The following GRIN2A variants were observed in gnomAD, a reference collection of about 807,000 sequenced individuals.
GRIN2A encodes glutamate receptor ionotropic, NMDA 2A.
GRIN2A carries 22 observed loss-of-function variants against 113.4 expected under a neutral mutation model. That is an observed-to-expected ratio of 0.19 (90% CI 0.14 to 0.28). The LOEUF is 0.28. Ranked by LOEUF, GRIN2A falls within the 10% of genes least tolerant of loss-of-function variation. The pLI is 1.00. For synonymous variants in GRIN2A, 827 were observed against 738.4 expected (o/e 1.12, Z -1.94); for missense variants, 1,502 against 1,887.0 (o/e 0.80, Z 3.78).
At chr16:9,799,419 C>T (rs554633284) in intron 10 of GRIN2A, among the ~76,000 whole-genome samples, 4 of 152,296 alleles carry the variant, frequency 2.6e-5, no homozygotes, top group East Asian at 3.9e-4. Context: ...TCGGTGGAAG[C>T]GTGGTCCTGC....
At chr16:9,910,866 C>CT (rs2044121297) in intron 3 of GRIN2A, among the ~76,000 whole-genome samples, 1 of 151,960 alleles carries the variant, frequency 6.6e-6, no homozygotes, top group African/African-American at 2.4e-5. Context: ...AATCTTCTGC[C>CT]CCTGAATCAT....
Position 9,829,408 on chromosome 16 carries a change from G to T in GRIN2A, c.2007+15C>A. ...GACCAACCCTCAGATGGAGAGGAAA[G>T]CAAGGTGACCTTACCTTTTTGTCAC... On this transcript the variant is annotated intron_variant, in intron 9 of 12. Coordinates refer to ENST00000330684, the MANE Select transcript of GRIN2A (RefSeq NM_001134407.3). 6.4e-7 allele frequency: 1 copy of T among 1,563,556 alleles called. No homozygotes were observed. Among genetic ancestry groups the T allele is most frequent in the Non-Finnish European group, 8.8e-7 (1 of 1,134,528 alleles).
chr16:9,835,268 A>G (rs531388676), intron 7 of GRIN2A, among the ~76,000 whole-genome samples: 55 of 152,362 alleles, frequency 3.6e-4, no homozygotes, highest in Non-Finnish European at 6.3e-4. Flanking sequence ...TAGAGGCAAT[A>G]AAATAGTAGA....
intron 2 of GRIN2A, among the ~76,000 whole-genome samples, chr16:10,166,857 C>A (rs1157474318): frequency 6.6e-6 from 1 of 152,176 alleles, no homozygotes; most frequent in Non-Finnish European, 1.5e-5. Context: ...AGGATGAAGA[C>A]CTTTATGATG....
At chr16:9,768,788 A>G in intron 12 of GRIN2A, 63 bp downstream of exon 12, 1 of 1,092,164 alleles carries the variant, frequency 9.2e-7, no homozygotes, top group South Asian at 1.2e-5. Flanking sequence ...TGAGACATCA[A>G]GAACCCAAGC....
intron 3 of GRIN2A, among the ~76,000 whole-genome samples, chr16:9,904,053 A>G (rs1286635977): frequency 6.6e-6 from 1 of 152,216 alleles, no homozygotes; most frequent in African/African-American, 2.4e-5. Flanking sequence ...GTTCAGTTTT[A>G]AATCCACAAC....
At chr16:10,059,803 T>C (rs1423955472) in intron 2 of GRIN2A, among the ~76,000 whole-genome samples, 1 of 151,640 alleles carries the variant, frequency 6.6e-6, no homozygotes, top group African/African-American at 2.4e-5. Flanking sequence ...GGGCATTATG[T>C]GTTTATACAA....
chr16:9,831,192 A>C (rs1347460629), intron 8 of GRIN2A, among the ~76,000 whole-genome samples: 3 of 152,208 alleles, frequency 2.0e-5, no homozygotes, highest in Admixed American at 2.0e-4. Flanking sequence ...GAGTTTGCAC[A>C]ACTGATGCCA....
chr16:9,933,556 T>C (rs2044646666), intron 3 of GRIN2A, among the ~76,000 whole-genome samples: 1 of 152,204 alleles, frequency 6.6e-6, no homozygotes, highest in South Asian at 2.1e-4. Context: ...GCTATTTGTT[T>C]ATCAGATGCT....
chr16:9,772,675 C>G (rs990132153), intron 11 of GRIN2A, among the ~76,000 whole-genome samples: 2 of 152,114 alleles, frequency 1.3e-5, no homozygotes, highest in Admixed American at 6.5e-5. Flanking sequence ...CGTGCTCAGA[C>G]CCTTTGGAGT....
At chr16:9,805,927 A>G (rs902969885) in intron 10 of GRIN2A, among the ~76,000 whole-genome samples, 8 of 152,236 alleles carry the variant, frequency 5.3e-5, no homozygotes, top group Non-Finnish European at 8.8e-5. Flanking sequence ...ACTACCTGCC[A>G]TCAGCACAGA....
chr16:9,926,297 T>C (rs149258662), intron 3 of GRIN2A, among the ~76,000 whole-genome samples: 330 of 152,312 alleles, frequency 2.2e-3, no homozygotes, highest in Middle Eastern at 6.8e-3. Context: ...AGCTGTAATT[T>C]TGAAAGCCAA....
intron 2 of GRIN2A, among the ~76,000 whole-genome samples, chr16:9,966,070 C>T (rs902408623): frequency 2.6e-5 from 4 of 152,168 alleles, no homozygotes; most frequent in Non-Finnish European, 5.9e-5. Context: ...AATCCTTGCA[C>T]TTATAGAGAA....
intron 2 of GRIN2A, among the ~76,000 whole-genome samples, chr16:10,164,623 A>G (rs1431315026): frequency 6.6e-6 from 1 of 152,226 alleles, no homozygotes; most frequent in Non-Finnish European, 1.5e-5. Context: ...TGGGTGAGCA[A>G]TGCCTGGTGA....
chr16:10,098,688 TAAGTA>T (rs1351948318), intron 2 of GRIN2A, among the ~76,000 whole-genome samples: 2 of 152,192 alleles, frequency 1.3e-5, no homozygotes, highest in Non-Finnish European at 2.9e-5. Flanking sequence ...ACTATTATTC[TAAGTA>T]AAGTAACTCA....
At chr16:9,970,764 T>C in intron 2 of GRIN2A, 1 of 965,724 alleles carries the variant, frequency 1.0e-6, no homozygotes, top group Non-Finnish European at 1.2e-6. Flanking sequence ...TACAGGCTGG[T>C]AAACTCTCAA....
At chr16:10,044,022 T>TATATAGAGAGAG (rs531659457) in intron 2 of GRIN2A, among the ~76,000 whole-genome samples, 85 of 107,960 alleles carry the variant, frequency 7.9e-4, no homozygotes, top group Middle Eastern at 8.7e-3. Flanking sequence ...TATATATATA[T>TATATAGAGAGAG]AGAGAGAGAG....
chr16:9,808,557 G>C (rs2042026288), intron 10 of GRIN2A, among the ~76,000 whole-genome samples: 1 of 152,088 alleles, frequency 6.6e-6, no homozygotes, highest in African/African-American at 2.4e-5. Flanking sequence ...AAGTCAACTT[G>C]GTTATTTCTC....
At chr16:9,837,509 G>A (rs1373453353) in intron 7 of GRIN2A, among the ~76,000 whole-genome samples, 3 of 152,088 alleles carry the variant, frequency 2.0e-5, no homozygotes, top group Admixed American at 6.5e-5. Flanking sequence ...CTCTCTGATT[G>A]AATTGGAAAA....
Sources: gnomAD v4.1 joint callset for allele counts (sites outside exome capture counted in the v4.1 genomes callset) on GRCh38, gnomAD v4.1.1 for gene constraint, MANE v1.5 for transcripts, NCBI Gene and HGNC (gene_info 2026-07-23, HGNC 2026-07-21) for gene names.